Variants in OSBP2 observed in about 807,000 individuals in gnomAD.
The protein encoded by OSBP2 is oxysterol binding protein 2.
OSBP2 carries 66 observed loss-of-function variants against 96.0 expected under a neutral mutation model. The ratio of observed to expected loss-of-function variants is 0.69; its 90% CI spans 0.56 to 0.84. The LOEUF is 0.84. OSBP2 is among the 40% of genes least tolerant of loss of function. OSBP2 has a pLI of 0.00. For missense variants in OSBP2, 1,038 were observed against 1,222.7 expected (o/e 0.85, Z 2.25); for synonymous variants, 525 against 520.9 (o/e 1.01, Z -0.11).
At chr22:30,775,949 C>G (rs535575298) in intron 2 of OSBP2, among the ~76,000 whole-genome samples, 1 of 151,728 alleles carries the variant, frequency 6.6e-6, no homozygotes, top group South Asian at 2.1e-4. Flanking sequence ...GAAGGCACCA[C>G]CACACCTGGC....
chr22:30,730,304 TATAAC>T (rs2089727830), intron 1 of OSBP2, among the ~76,000 whole-genome samples: 1 of 152,120 alleles, frequency 6.6e-6, no homozygotes, highest in Non-Finnish European at 1.5e-5. Context: ...AGTATAAAAG[TATAAC>T]ATACATGCAG....
At chr22:30,807,095 G>A (rs187712732) in intron 2 of OSBP2, among the ~76,000 whole-genome samples, 14 of 152,254 alleles carry the variant, frequency 9.2e-5, no homozygotes, top group African/African-American at 3.4e-4. Context: ...GAGCTTACCC[G>A]TGAGGTTGCT....
intron 3 of OSBP2, among the ~76,000 whole-genome samples, chr22:30,885,803 G>A (rs2039797472): frequency 6.6e-6 from 1 of 152,256 alleles, no homozygotes; most frequent in Non-Finnish European, 1.5e-5. Flanking sequence ...AACCAAACCA[G>A]CTGCTGCTGG....
At chr22:30,849,317 G>T (rs571972306) in intron 2 of OSBP2, among the ~76,000 whole-genome samples, 1 of 152,138 alleles carries the variant, frequency 6.6e-6, no homozygotes, top group East Asian at 1.9e-4. Context: ...AAAATAAACT[G>T]CTACACTTTG....
At chr22:30,746,189 A>G (rs1303747167) in intron 2 of OSBP2, among the ~76,000 whole-genome samples, 3 of 152,046 alleles carry the variant, frequency 2.0e-5, no homozygotes, top group African/African-American at 7.2e-5. Context: ...GAGGCCTAGG[A>G]GGGAGGATCA....
chr22:30,741,184 C>T lies in OSBP2; in HGVS notation c.668C>T (p.Thr223Met), dbSNP rs376157573. 1.5e-4 allele frequency: 242 copies of T among 1,613,950 alleles called. No individual in the cohort carries two copies. Among genetic ancestry groups the T allele is most frequent in the Non-Finnish European group, 1.9e-4 (229 of 1,179,940 alleles). Residue 223 changes from threonine (T) to methionine (M), a missense_variant, in exon 2 of 14, where the codon ACG (threonine) becomes ATG (methionine). This residue lies in a region of OSBP2 where 281 missense variants were observed against 273.4 expected (regional missense o/e 1.03). Coordinates refer to ENST00000332585, the MANE Select transcript of OSBP2 (RefSeq NM_030758.4). ...YYRNQGEMAH[T>M]CRGTINLSTA... is the part of the protein sequence containing the mutation. ...AGAAATCAGGGTGAAATGGCCCACA[C>T]GTGCCGTGGAACCATCAACCTGTCC...
At chr22:30,800,297 A>C (rs927708376) in intron 2 of OSBP2, among the ~76,000 whole-genome samples, 28 of 152,170 alleles carry the variant, frequency 1.8e-4, no homozygotes, top group Admixed American at 1.8e-3. Context: ...AGAGGCTGCC[A>C]TGTGGGACCA....
intron 2 of OSBP2, among the ~76,000 whole-genome samples, chr22:30,799,078 TTCC>T (rs2090811642): frequency 6.8e-6 from 1 of 147,852 alleles, no homozygotes; most frequent in Non-Finnish European, 1.5e-5. Flanking sequence ...CCTTCCTTCC[TTCC>T]TTCCTTCCTT....
At chr22:30,816,719 T>C (rs1369378605) in intron 2 of OSBP2, among the ~76,000 whole-genome samples, 1 of 152,136 alleles carries the variant, frequency 6.6e-6, no homozygotes, top group Non-Finnish European at 1.5e-5. Context: ...AATGGTGCCC[T>C]TGGTGCCCTC....
intron 2 of OSBP2, among the ~76,000 whole-genome samples, chr22:30,765,125 C>A (rs747009923): frequency 9.2e-5 from 14 of 152,124 alleles, no homozygotes; most frequent in Non-Finnish European, 1.6e-4. Context: ...AACTGCTGGG[C>A]TCAGGCAATT....
intron 2 of OSBP2, among the ~76,000 whole-genome samples, chr22:30,861,071 C>T (rs1471519574): frequency 6.6e-6 from 1 of 152,170 alleles, no homozygotes; most frequent in African/African-American, 2.4e-5. Flanking sequence ...CTGGTTCCCC[C>T]AGTGAAAGGG....
At chr22:30,801,785 A>G (rs1293267893) in intron 2 of OSBP2, among the ~76,000 whole-genome samples, 1 of 152,118 alleles carries the variant, frequency 6.6e-6, no homozygotes, top group African/African-American at 2.4e-5. Flanking sequence ...AACAGCTTGG[A>G]CAACACAGCA....
At position 30,889,201 on chromosome 22, in the gene OSBP2, G is replaced by A. The variant is rs745484842; in HGVS notation, c.1443G>A (p.Gly481=). ...GCAGAAAAGCTGAAGGTAGCACCGG[G>A]ACAAGTTCCGTGGACTGGAGCTCAG... The part of the protein sequence containing the change: ...EDSRKAEGST[G]TSSVDWSSAD... Residue 481 remains glycine, a synonymous_variant, in exon 6 of 14, where the codon GGG becomes GGA. Coordinates refer to ENST00000332585, the MANE Select transcript of OSBP2 (RefSeq NM_030758.4). 2.5e-6 allele frequency: 4 copies of A among 1,613,602 alleles called. No homozygotes were observed. The highest frequency in any genetic ancestry group is 1.7e-5 in the Admixed American group (1 of 59,976).
In OSBP2 at chr22:30,695,229, G is replaced by T; in HGVS notation, c.320G>T (p.Gly107Val). 1 of 1,613,394 alleles carries T rather than the reference G, an allele frequency of 6.2e-7. No individual in the cohort carries two copies. The highest frequency in any genetic ancestry group is 8.5e-7 in the Non-Finnish European group (1 of 1,179,810). ...PSELLQGSRP[G>V]SESSSGVGAG... is the part of the protein sequence containing the mutation. ...GAACTGCTGCAGGGGTCGCGGCCGG[G>T]GTCAGAGTCAAGCTCAGGTGTAGGG... is the stretch of plus-strand genomic sequence containing the variant. The change falls in exon 1 of 14, where the codon GGG becomes GTG. Residue 107 changes from glycine (G) to valine (V), a missense_variant. Transcript: ENST00000332585.
intron 2 of OSBP2, among the ~76,000 whole-genome samples, chr22:30,845,085 C>T (rs2038841458): frequency 1.3e-5 from 2 of 152,198 alleles, no homozygotes; most frequent in South Asian, 2.1e-4. Context: ...CCAGCAATTA[C>T]AGCTGTAACA....
intron 2 of OSBP2, among the ~76,000 whole-genome samples, chr22:30,790,983 T>A (rs896903475): frequency 2.0e-5 from 3 of 152,144 alleles, no homozygotes; most frequent in African/African-American, 7.2e-5. Context: ...TTTTTATTTA[T>A]TTATTTATTT....
intron 2 of OSBP2, among the ~76,000 whole-genome samples, chr22:30,849,505 G>T (rs1176173969): frequency 6.6e-6 from 1 of 151,990 alleles, no homozygotes; most frequent in African/African-American, 2.4e-5. Context: ...ATGATATTGA[G>T]CATCTCTTCA....
chr22:30,710,379 T>C (rs2089327862), intron 1 of OSBP2, among the ~76,000 whole-genome samples: 1 of 152,192 alleles, frequency 6.6e-6, no homozygotes, highest in East Asian at 1.9e-4. Flanking sequence ...TGTGTTTTCT[T>C]AAGCATCATT....
intron 2 of OSBP2, among the ~76,000 whole-genome samples, chr22:30,791,623 C>G (rs77926649): frequency 0.013 from 1,989 of 152,130 alleles, 22 homozygotes; most frequent in Middle Eastern, 0.048. Context: ...CACCGTGCCC[C>G]GCTCATATTG....
Sources: allele counts gnomAD v4.1 joint callset (sites outside exome capture counted in the v4.1 genomes callset), GRCh38; gene constraint gnomAD v4.1.1; regional missense constraint gnomAD v4.1.1; transcripts MANE v1.5; gene names NCBI Gene and HGNC (gene_info 2026-07-23, HGNC 2026-07-21).